Variants in ATG10 observed in about 807,000 individuals in gnomAD.
The protein encoded by ATG10 is ubiquitin-like-conjugating enzyme ATG10.
In ATG10, 30 loss-of-function variants were observed where a neutral mutation model predicts 32.1. The ratio of observed to expected loss-of-function variants is 0.94; its 90% confidence interval spans 0.70 to 1.27. ATG10 has a LOEUF of 1.27. Among genes scored for constraint, ATG10 ranks in the 50% most tolerant of loss-of-function variants. ATG10 has a pLI of 0.00. For synonymous variants in ATG10, 87 were observed against 91.5 expected (o/e 0.95, Z 0.28); for missense variants, 233 against 262.3 (o/e 0.89, Z 0.77).
At chr5:82,206,083 G>A (rs1212111847) in intron 5 of ATG10, among the ~76,000 whole-genome samples, 1 of 152,164 alleles carries the variant, frequency 6.6e-6, no homozygotes, top group Non-Finnish European at 1.5e-5. Context: ...GTTTTAAAGT[G>A]GGGAGTGATT....
At chr5:82,243,892 AAAAC>A (rs1382611111) in intron 5 of ATG10, among the ~76,000 whole-genome samples, 5 of 152,208 alleles carry the variant, frequency 3.3e-5, no homozygotes, top group Non-Finnish European at 5.9e-5. Context: ...AAAATTAAGA[AAAAC>A]AAAATAAGCC....
At chr5:82,046,447 G>T (rs1027557467) in intron 2 of ATG10, among the ~76,000 whole-genome samples, 3 of 152,160 alleles carry the variant, frequency 2.0e-5, no homozygotes, top group Non-Finnish European at 2.9e-5. Flanking sequence ...TTCCAAGTTG[G>T]CAACAACCAG....
Position 82,253,305 on chromosome 5 carries a change from G to T in ATG10, c.552-9G>T, listed in dbSNP as rs1267321684. 6.3e-7 allele frequency: 1 copy of T among 1,585,866 alleles called. No individual in the cohort carries two copies. The highest frequency in any genetic ancestry group is 1.7e-5 in the Admixed American group (1 of 59,882). On this transcript the variant is annotated splice_polypyrimidine_tract_variant and intron_variant, in intron 6 of 7. Transcript: ENST00000282185. The stretch of plus-strand genomic sequence containing the variant: ...CGTTAGCATGGCCTGTATTTCACTT[G>T]TTTCCTAGGAATGTCAACTATATCA...
intron 3 of ATG10, among the ~76,000 whole-genome samples, chr5:82,088,411 C>T (rs964010278): frequency 1.1e-4 from 17 of 151,994 alleles, no homozygotes; most frequent in Non-Finnish European, 1.5e-4. Context: ...TGCAATTAGA[C>T]TGACAAATTA....
chr5:82,155,670 A>C lies in ATG10; in HGVS notation c.217-8729A>C, dbSNP rs536967432. ...GCTTATTCAATATGGGGAACAAATA[A>C]ATTTATTCATATTATATAAAAATAA... On this transcript the variant is annotated intron_variant, in intron 3 of 7. Coordinates refer to ENST00000282185, the MANE Select transcript of ATG10 (RefSeq NM_031482.5). 2.6e-5 allele frequency among the ~76,000 whole-genome samples: 4 copies of C among 152,298 alleles called. No homozygotes were observed. In the East Asian group the frequency reaches 7.7e-4, roughly 29 times the overall value.
intron 3 of ATG10, among the ~76,000 whole-genome samples, chr5:82,136,412 G>T (rs1337830785): frequency 6.6e-6 from 1 of 152,140 alleles, no homozygotes; most frequent in Admixed American, 6.5e-5. Context: ...CTCTTGTAAG[G>T]CAGGCCTGGT....
intron 4 of ATG10, among the ~76,000 whole-genome samples, chr5:82,177,115 T>A (rs1482082997): frequency 6.6e-6 from 1 of 152,172 alleles, no homozygotes; most frequent in Non-Finnish European, 1.5e-5. Flanking sequence ...GGGAGGAGAT[T>A]CCTGATATTT....
chr5:81,993,236 G>T (rs186561222), intron 2 of ATG10, among the ~76,000 whole-genome samples: 64 of 151,976 alleles, frequency 4.2e-4, no homozygotes, highest in Non-Finnish European at 6.6e-4. Context: ...TTATATGGTT[G>T]TTGTATAGAT....
intron 5 of ATG10, among the ~76,000 whole-genome samples, chr5:82,206,967 G>C (rs7712216): frequency 0.13 from 20,269 of 152,070 alleles, 2,058 homozygotes; most frequent in African/African-American, 0.29. Context: ...GTTCCATGTA[G>C]TAGGAGTTCA....
chr5:81,974,262 T>C (rs1473247960), intron 1 of ATG10, among the ~76,000 whole-genome samples: 3 of 152,094 alleles, frequency 2.0e-5, no homozygotes, highest in African/African-American at 7.2e-5. Context: ...AAAACAAATG[T>C]TTTCAGGGGA....
At chr5:82,051,241 G>A (rs995487333) in intron 2 of ATG10, among the ~76,000 whole-genome samples, 9 of 152,092 alleles carry the variant, frequency 5.9e-5, no homozygotes, top group Admixed American at 2.0e-4. Flanking sequence ...ATGGTGAATC[G>A]AGGGGGTGCT....
At chr5:82,190,774 A>T (rs970942501) in intron 5 of ATG10, among the ~76,000 whole-genome samples, 1 of 13,726 alleles carries the variant, frequency 7.3e-5, no homozygotes, top group Admixed American at 8.3e-4. Flanking sequence ...ACTCCATCTC[A>T]AAAAAAAAAA....
At chr5:82,240,062 C>G (rs1016783231) in intron 5 of ATG10, among the ~76,000 whole-genome samples, 1 of 152,120 alleles carries the variant, frequency 6.6e-6, no homozygotes, top group Non-Finnish European at 1.5e-5. Flanking sequence ...TGTTCATACA[C>G]TGTTGGTGGG....
At chr5:82,148,350 A>G (rs1374697947) in intron 3 of ATG10, among the ~76,000 whole-genome samples, 3 of 152,140 alleles carry the variant, frequency 2.0e-5, no homozygotes, top group Non-Finnish European at 1.5e-5. Flanking sequence ...GTTCTAGAAC[A>G]TCATCTGGAA....
At chr5:81,985,888 G>C (rs1164048582) in intron 1 of ATG10, among the ~76,000 whole-genome samples, 5 of 151,986 alleles carry the variant, frequency 3.3e-5, no homozygotes, top group Admixed American at 1.3e-4. Flanking sequence ...TCAGCCTCTC[G>C]AGTAGCTGGG....
At chr5:82,141,529 T>G (rs1219081633) in intron 3 of ATG10, among the ~76,000 whole-genome samples, 1 of 151,936 alleles carries the variant, frequency 6.6e-6, no homozygotes, top group Admixed American at 6.6e-5. Flanking sequence ...GAAGAAGTAA[T>G]GCTAAATTAT....
At chr5:82,229,921 G>A (rs1008926892) in intron 5 of ATG10, among the ~76,000 whole-genome samples, 2 of 152,176 alleles carry the variant, frequency 1.3e-5, no homozygotes, top group African/African-American at 4.8e-5. Flanking sequence ...TATAATGCAG[G>A]CCTGTTCGTA....
intron 3 of ATG10, among the ~76,000 whole-genome samples, chr5:82,113,533 A>G (rs1765684749): frequency 1.3e-5 from 2 of 151,950 alleles, no homozygotes; most frequent in Non-Finnish European, 1.5e-5. Flanking sequence ...TTTCAGTGGG[A>G]TGAAGACTTA....
intron 4 of ATG10, among the ~76,000 whole-genome samples, chr5:82,173,956 A>G (rs1219838088): frequency 6.6e-6 from 1 of 152,194 alleles, no homozygotes; most frequent in East Asian, 1.9e-4. Flanking sequence ...GATATGTACA[A>G]CATTCTTCAG....
Sources: gnomAD v4.1 joint callset for allele counts (sites outside exome capture counted in the v4.1 genomes callset) on GRCh38, gnomAD v4.1.1 for gene constraint, MANE v1.5 for transcripts, NCBI Gene and HGNC (gene_info 2026-07-23, HGNC 2026-07-21) for gene names.